RALGAPB: variants seen among roughly 807,000 people sequenced by gnomAD.
The protein encoded by RALGAPB is ral GTPase-activating protein subunit beta.
Under a neutral mutation model 161.1 loss-of-function variants are expected in RALGAPB, and 25 were observed. The observed-to-expected ratio is 0.16, with a 90% confidence interval of 0.11 to 0.22. RALGAPB has a LOEUF of 0.22. Ranked by LOEUF, RALGAPB falls within the 10% of genes least tolerant of loss-of-function variation. RALGAPB has a pLI of 1.00. For synonymous variants in RALGAPB, 629 were observed against 626.1 expected, an observed-to-expected ratio of 1.00 and a Z score of -0.07; for missense variants, 1,391 against 1,815.2, an observed-to-expected ratio of 0.77 and a Z score of 4.25.
In RALGAPB at chr20:38,509,002, T is replaced by C. The variant is rs1320326693; in HGVS notation, c.741-75T>C. ...GTACACATGTTTCATCCATTTTCTC[T>C]GTCTTCTTTCTATGCTTGAGTGTAT... On this transcript the variant is annotated intron_variant, in intron 5 of 29. Transcript: ENST00000262879. 4 of 1,493,874 alleles carry C rather than the reference T, an allele frequency of 2.7e-6. No homozygotes were observed. The Admixed American group carries it at 7.2e-5, about 27-fold the overall frequency. 92.5% of individuals were successfully genotyped at this position (1,493,874 alleles called of 1,614,324 possible).
chr20:38,512,128 A>C (rs1340808253), intron 6 of RALGAPB, among the ~76,000 whole-genome samples: 1 of 152,180 alleles, frequency 6.6e-6, no homozygotes, highest in African/African-American at 2.4e-5. Flanking sequence ...TGATGTTTTG[A>C]AAAGCTAACT....
chr20:38,568,423 T>A (rs1447234932), intron 26 of RALGAPB: 1 of 152,176 alleles, frequency 6.6e-6, no homozygotes, highest in Non-Finnish European at 1.5e-5. Context: ...CAGCTAACAT[T>A]ATACTTATAC....
intron 13 of RALGAPB, 58 bp from the exon 14 acceptor site, chr20:38,531,109 T>TA (rs754702549): frequency 1.0e-5 from 14 of 1,352,656 alleles, no homozygotes; most frequent in South Asian, 3.6e-5. Context: ...TAAAATGTCT[T>TA]ACGCATTTTA....
At chr20:38,568,442 T>G (rs2088093364) in intron 26 of RALGAPB, 1 of 152,208 alleles carries the variant, frequency 6.6e-6, no homozygotes, top group African/African-American at 2.4e-5. Context: ...ACATTGTACA[T>G]TATTCTTGAA....
intron 16 of RALGAPB, among the ~76,000 whole-genome samples, chr20:38,535,725 C>T (rs1202564489): frequency 6.6e-6 from 1 of 152,076 alleles, no homozygotes; most frequent in Non-Finnish European, 1.5e-5. Flanking sequence ...GCTGGGATTA[C>T]AGGCATACGC....
rs749916417 is a variant in RALGAPB, at chr20:38,551,137, C to T, written c.3076C>T (p.Arg1026Trp). Residue 1026 changes from arginine to tryptophan, a missense_variant, in exon 21 of 30, where the codon CGG becomes TGG. Transcript: ENST00000262879. ...DVGFKYSVKH[R>W]PFPEEVDKIP... Reference sequence around the variant, plus strand: ...TGGATTTAAATATTCTGTGAAACATCGGCCATTTCCTGAAGAGGTGGACAA... The same window carrying T: ...TGGATTTAAATATTCTGTGAAACATTGGCCATTTCCTGAAGAGGTGGACAA... 2.2e-5 allele frequency: 36 copies of T among 1,613,650 alleles called. No individual in the cohort carries two copies. Among genetic ancestry groups the T allele is most frequent in the African/African-American group, 2.7e-5 (2 of 74,916 alleles).
intron 9 of RALGAPB, among the ~76,000 whole-genome samples, chr20:38,519,556 G>T (rs1186514557): frequency 2.0e-5 from 3 of 152,098 alleles, no homozygotes; most frequent in Admixed American, 2.0e-4. Flanking sequence ...GTTTGTAACA[G>T]CTTTGCTCAC....
chr20:38,565,114 GC>G (rs2087946310), intron 24 of RALGAPB, among the ~76,000 whole-genome samples: 1 of 152,000 alleles, frequency 6.6e-6, no homozygotes. Flanking sequence ...TGAATTAAAA[GC>G]CCTGCTAATC....
intron 3 of RALGAPB, 72 bp downstream of exon 3, chr20:38,493,204 A>G (rs1284751035): frequency 5.6e-6 from 7 of 1,249,428 alleles, no homozygotes; most frequent in East Asian, 2.3e-5. Flanking sequence ...ACTATAGTAT[A>G]GGAGCTGATT....
At chr20:38,535,041 C>A in intron 15 of RALGAPB, 33 bp from the exon 16 acceptor site, 1 of 1,608,386 alleles carries the variant, frequency 6.2e-7, no homozygotes, top group Non-Finnish European at 8.5e-7. Context: ...GTTTTCCCTC[C>A]CTGTGGGATG....
chr20:38,533,691 C>T (rs1375926051), intron 15 of RALGAPB, among the ~76,000 whole-genome samples: 1 of 152,116 alleles, frequency 6.6e-6, no homozygotes, highest in African/African-American at 2.4e-5. Context: ...GTCAGATATA[C>T]ATAAAGCCAT....
Position 38,554,631 on chromosome 20 carries a change from T to A in RALGAPB, c.3372+555T>A, listed in dbSNP as rs1053425526. ...CTCATCTTGTCTTAGTTCCTCATCA[T>A]CTATAAAGTGAGGATGATAAAAGTA... On this transcript the variant is annotated intron_variant, in intron 22 of 29. Transcript: ENST00000262879. Among the ~76,000 whole-genome samples the A allele has an allele frequency of 1.1e-3, 171 of 152,200 alleles. 2 individuals are homozygous for A. Among genetic ancestry groups the A allele is most frequent in the Non-Finnish European group, 5.4e-4 (37 of 68,028 alleles).
Position 38,574,075 on chromosome 20 carries a change from GGGGGACTTCAACTCTTGGGTGTCTC to G in RALGAPB, c.4143-50_4143-26del, listed in dbSNP as rs567336168. On this transcript the variant is annotated intron_variant, in intron 28 of 29. Coordinates refer to ENST00000262879, the MANE Select transcript of RALGAPB (RefSeq NM_020336.4). The stretch of plus-strand genomic sequence containing the variant: ...CCTTTACTAATCTTAGGCTATATGT[GGGGGACTTCAACTCTTGGGTGTCTC>G]GGGGACTTCAACTCTTGGGTGTCTG... 2.5e-4 allele frequency: 354 copies of G among 1,438,632 alleles called. No individual in the cohort carries two copies. In the East Asian group the frequency reaches 3.4e-3, roughly 14 times the overall value. The allele number at this position is 1,438,632 out of a possible 1,614,324, so 89.1% of individuals were successfully genotyped here.
chr20:38,521,574 A>G lies in RALGAPB; in HGVS notation c.1495A>G (p.Met499Val). The part of the protein sequence containing the change: ...MSTDTMVSNP[M>V]FDASEFPDNY... ...CACAGACACCATGGTTTCCAATCCTATGTTTGATGCAAGTGAATTTCCTGA... is the reference window on the plus strand; with the variant it reads ...CACAGACACCATGGTTTCCAATCCTGTGTTTGATGCAAGTGAATTTCCTGA... Residue 499 changes from methionine to valine, a missense_variant, in exon 10 of 30, where the codon ATG becomes GTG. By Grantham distance (21) the Met-to-Val change is conservative. Coordinates refer to ENST00000262879, the MANE Select transcript of RALGAPB (RefSeq NM_020336.4). 1.9e-6 allele frequency: 3 copies of G among 1,614,180 alleles called. No individual in the cohort carries two copies. The highest frequency in any genetic ancestry group is 2.2e-5 in the East Asian group (1 of 44,880).
chr20:38,476,453 C>G (rs1158907179), intron 1 of RALGAPB, among the ~76,000 whole-genome samples: 2 of 152,188 alleles, frequency 1.3e-5, no homozygotes, highest in Admixed American at 6.5e-5. Context: ...GACTAGAAAG[C>G]AGGCCTCCTT....
chr20:38,540,259 G>A (rs2086926434), intron 17 of RALGAPB, among the ~76,000 whole-genome samples: 1 of 152,174 alleles, frequency 6.6e-6, no homozygotes, highest in Non-Finnish European at 1.5e-5. Context: ...ATAGCTAGTA[G>A]GCACTTTGGT....
In RALGAPB at chr20:38,531,251, T is replaced by C. The variant is rs1341951835; in HGVS notation, c.2115+20T>C. The stretch of plus-strand genomic sequence containing the variant: ...GAGATGGTAAGAAGCATACATGCAA[T>C]CTGTCAGAGAATATCACTTTTGAAT... On this transcript the variant is annotated intron_variant, in intron 14 of 29. Transcript: ENST00000262879. The C allele has an allele frequency of 5.1e-6, 8 of 1,560,722 alleles. No individual in the cohort carries two copies. Among genetic ancestry groups the C allele is most frequent in the Non-Finnish European group, 7.1e-6 (8 of 1,133,344 alleles).
At chr20:38,547,250 T>C (rs954119367) in intron 19 of RALGAPB, 3 of 152,062 alleles carry the variant, frequency 2.0e-5, no homozygotes, top group African/African-American at 7.2e-5. Context: ...TTTTTTCTGA[T>C]GGTAATTGGC....
intron 27 of RALGAPB, 90 bp downstream of exon 27, chr20:38,570,086 G>C (rs185472479): frequency 1.8e-5 from 19 of 1,048,790 alleles, no homozygotes; most frequent in Middle Eastern, 6.0e-4. Context: ...CATAAGCCTG[G>C]TGTGGCCAGG....
Sources: gnomAD v4.1 joint callset for allele counts (sites outside exome capture counted in the v4.1 genomes callset) on GRCh38, gnomAD v4.1.1 for gene constraint, MANE v1.5 for transcripts, NCBI Gene and HGNC (gene_info 2026-07-23, HGNC 2026-07-21) for gene names.